Variants in AK9 observed in about 807,000 individuals in gnomAD.
AK9 encodes adenylate kinase domain containing 1.
In AK9, 191 loss-of-function variants were observed where a neutral mutation model predicts 239.6. The ratio of observed to expected loss-of-function variants is 0.80; its 90% CI spans 0.71 to 0.90. The LOEUF is 0.90. Among genes scored for constraint, AK9 ranks in the 40% least tolerant of loss-of-function variants. The pLI, the probability that AK9 is intolerant of heterozygous loss-of-function variation, is 0.00. For missense variants in AK9, 1,995 were observed against 2,214.7 expected (o/e 0.90, Z 1.99); for synonymous variants, 689 against 721.0 (o/e 0.96, Z 0.71).
intron 19 of AK9, among the ~76,000 whole-genome samples, chr6:109,584,597 T>G (rs1789256186): frequency 6.6e-6 from 1 of 152,188 alleles, no homozygotes. Flanking sequence ...CATGAACAGA[T>G]AACTGTGTGG....
rs188203504 is a variant in AK9, at chr6:109,665,520, A to G, written c.332-2857T>C. Among the ~76,000 whole-genome samples, 65 of 152,238 alleles carry G rather than the reference A, an allele frequency of 4.3e-4. 2 individuals are homozygous for G. Among genetic ancestry groups the G allele is most frequent in the Admixed American group, 3.9e-4 (6 of 15,294 alleles). Reference sequence around the variant, plus strand: ...CCACACCACCCTCATTTGGTTTGGCATCTTTGCTCTTGTGAGTCTAGCTTC... The same window carrying G: ...CCACACCACCCTCATTTGGTTTGGCGTCTTTGCTCTTGTGAGTCTAGCTTC... On this transcript the variant is annotated intron_variant, in intron 5 of 40. Coordinates refer to ENST00000424296, the MANE Select transcript of AK9 (RefSeq NM_001145128.3).
chr6:109,564,336 G>T, intron 22 of AK9, 56 bp from the exon 23 acceptor site: 1 of 1,374,884 alleles, frequency 7.3e-7, no homozygotes. Context: ...CCTATCTTTA[G>T]CCATATTGCC....
rs778756379 is a variant in AK9 at position 109,659,354 on chromosome 6, T to G, written c.504A>C (p.Gly168=). The change falls in exon 7 of 41, where the codon GGA becomes GGC. Residue 168 remains glycine, a synonymous_variant. Transcript: ENST00000424296. ...CCCACTGGTCTCTACTGTATATGTA[T>G]CCCGTATTATTGTGCTGTCTTTGCC... is the stretch of plus-strand genomic sequence containing the variant. ...ISGQRQHNNT[G]YIYSRDQWDP... is the part of the protein sequence containing the mutation. 6.4e-5 allele frequency: 103 copies of G among 1,612,290 alleles called. No individual in the cohort carries two copies. The highest frequency in any genetic ancestry group is 8.4e-5 in the Non-Finnish European group (99 of 1,179,676).
intron 8 of AK9, among the ~76,000 whole-genome samples, chr6:109,647,660 GTCAAC>G (rs1191694853): frequency 6.6e-6 from 1 of 152,136 alleles, no homozygotes; most frequent in Non-Finnish European, 1.5e-5. Flanking sequence ...ACACCCCACT[GTCAAC>G]ATTAGACAGA....
At chr6:109,658,692 G>T (rs2128314316) in intron 7 of AK9, among the ~76,000 whole-genome samples, 1 of 152,010 alleles carries the variant, frequency 6.6e-6, no homozygotes, top group South Asian at 2.1e-4. Context: ...TTATTCAAAT[G>T]ACTTTCACTT....
In AK9 at chr6:109,550,190, G is replaced by A; in HGVS notation, c.2864C>T (p.Ala955Val). Residue 955 changes from alanine to valine, a missense_variant, in exon 25 of 41, where the codon GCC (alanine) becomes GTC (valine). Transcript: ENST00000424296. ...GTAGTAGATCTTTTCTCGATACTTGGCTGCTTCTTCTGTGTTTCCTGGTTG... is the reference window on the plus strand; with the variant it reads ...GTAGTAGATCTTTTCTCGATACTTGACTGCTTCTTCTGTGTTTCCTGGTTG... ...ILQPGNTEEA[A>V]KYREKIYYFS... is the part of the protein sequence containing the mutation. 6.2e-7 allele frequency: 1 copy of A among 1,613,678 alleles called. No individual in the cohort carries two copies.
chr6:109,516,676 A>G (rs7773915), intron 29 of AK9, 34 bp from the exon 30 acceptor site: 1,029,867 of 1,483,860 alleles, frequency 0.69, 362,425 homozygotes, highest in East Asian at 1. Context: ...TACTATACAT[A>G]TAAAATATGT....
chr6:109,632,298 C>T, intron 12 of AK9: 1 of 985,666 alleles, frequency 1.0e-6, no homozygotes, highest in Non-Finnish European at 1.2e-6. Flanking sequence ...GATCTTGTGC[C>T]ATTCCTTCTT....
chr6:109,663,147 T>C (rs1245217392), intron 5 of AK9, among the ~76,000 whole-genome samples: 1 of 152,206 alleles, frequency 6.6e-6, no homozygotes, highest in Admixed American at 6.5e-5. Context: ...TTTCTGTTTT[T>C]TAAACAGCCA....
chr6:109,597,918 G>A (rs1236849942), intron 17 of AK9, among the ~76,000 whole-genome samples: 2 of 152,016 alleles, frequency 1.3e-5, no homozygotes, highest in Admixed American at 6.6e-5. Context: ...TGAACCATTT[G>A]TATTTCTTCT....
intron 1 of AK9, among the ~76,000 whole-genome samples, chr6:109,682,455 C>T (rs1013865137): frequency 7.9e-6 from 1 of 126,802 alleles, no homozygotes; most frequent in African/African-American, 3.1e-5. Flanking sequence ...TCAATGAATC[C>T]AGGAGCTGGT....
At chr6:109,629,659 G>C (rs1422574058) in intron 12 of AK9, among the ~76,000 whole-genome samples, 1 of 150,236 alleles carries the variant, frequency 6.7e-6, no homozygotes, top group Non-Finnish European at 1.5e-5. Context: ...TTGAGACAGA[G>C]TCTGGCTCTG....
At chr6:109,500,093 C>A (rs80001896) in intron 35 of AK9, among the ~76,000 whole-genome samples, 1 of 149,876 alleles carries the variant, frequency 6.7e-6, no homozygotes, top group African/African-American at 2.5e-5. Flanking sequence ...TGTGTATACC[C>A]GCACATTTAT....
At chr6:109,636,146 G>A (rs1236765072) in intron 10 of AK9, among the ~76,000 whole-genome samples, 1 of 152,092 alleles carries the variant, frequency 6.6e-6, no homozygotes, top group African/African-American at 2.4e-5. Flanking sequence ...TACTGTGCTA[G>A]GTGCCAGTCT....
At chr6:109,638,883 T>C (rs1375464667) in intron 10 of AK9, among the ~76,000 whole-genome samples, 2 of 152,168 alleles carry the variant, frequency 1.3e-5, no homozygotes, top group African/African-American at 2.4e-5. Flanking sequence ...TTCCCACCTA[T>C]GAGTGAGAAC....
At chr6:109,558,643 T>C (rs1285250103) in intron 24 of AK9, among the ~76,000 whole-genome samples, 1 of 152,172 alleles carries the variant, frequency 6.6e-6, no homozygotes, top group Non-Finnish European at 1.5e-5. Flanking sequence ...TAATTAATCT[T>C]GAAATCAAAT....
At chr6:109,649,126 G>T (rs1283136425) in intron 8 of AK9, among the ~76,000 whole-genome samples, 1 of 152,154 alleles carries the variant, frequency 6.6e-6, no homozygotes, top group Non-Finnish European at 1.5e-5. Context: ...CAAACCCACA[G>T]CGAATATCAT....
chr6:109,576,418 T>C (rs1033362750), intron 20 of AK9, among the ~76,000 whole-genome samples: 7 of 125,548 alleles, frequency 5.6e-5, no homozygotes, highest in Non-Finnish European at 9.6e-5. Flanking sequence ...TACATATATA[T>C]ACTTTTTTTT....
At chr6:109,670,462 C>G (rs187167815) in intron 5 of AK9, among the ~76,000 whole-genome samples, 1 of 152,272 alleles carries the variant, frequency 6.6e-6, no homozygotes, top group Non-Finnish European at 1.5e-5. Context: ...TGGTTTTGGA[C>G]ATATGCTGAA....
Sources: allele counts gnomAD v4.1 joint callset (sites outside exome capture counted in the v4.1 genomes callset), GRCh38; gene constraint gnomAD v4.1.1; transcripts MANE v1.5; gene names NCBI Gene and HGNC (gene_info 2026-07-23, HGNC 2026-07-21).